AKAIN1: variants seen among roughly 807,000 people sequenced by gnomAD.
The protein encoded by AKAIN1 is A-kinase anchor protein inhibitor 1.
AKAIN1 carries 3 observed loss-of-function variants against 3.7 expected under a neutral mutation model. The ratio of observed to expected loss-of-function variants is 0.82; its 90% CI spans 0.37 to 2.12. AKAIN1 has a LOEUF of 2.12. Ranked by LOEUF, AKAIN1 falls within the 30% of genes most tolerant of loss-of-function variation. The pLI, the probability that AKAIN1 is intolerant of heterozygous loss-of-function variation, is 0.06. For missense variants in AKAIN1, 82 were observed against 82.7 expected (o/e 0.99, Z 0.03); for synonymous variants, 31 against 30.8 (o/e 1.01, Z -0.02).
rs946187666 is a variant in AKAIN1 at position 5,185,646 on chromosome 18, C to T, written c.16+11392G>A. ...AAATGAAAATTAAAACAACGAGGTA[C>T]CATCCCACAACAATCAGAGTGACTA... On this transcript the variant is annotated intron_variant, in intron 1 of 1. Transcript: ENST00000434239. Among the ~76,000 whole-genome samples, 6 of 152,084 alleles carry T rather than the reference C, an allele frequency of 3.9e-5. No individual in the cohort carries two copies. The South Asian group carries it at 1.2e-3, about 32-fold the overall frequency.
chr18:5,179,423 G>GTGTGTA (rs1555610770), intron 1 of AKAIN1, among the ~76,000 whole-genome samples: 2 of 149,372 alleles, frequency 1.3e-5, no homozygotes, highest in African/African-American at 5.0e-5. Context: ...ATGTATGTGT[G>GTGTGTA]TATATATATA....
intron 1 of AKAIN1, among the ~76,000 whole-genome samples, chr18:5,178,627 T>C (rs2071239565): frequency 1.3e-5 from 2 of 152,168 alleles, no homozygotes; most frequent in African/African-American, 2.4e-5. Flanking sequence ...CAAGAGGAGA[T>C]GCACAAGGAG....
At chr18:5,174,446 T>G (rs1305516402) in intron 1 of AKAIN1, among the ~76,000 whole-genome samples, 1 of 152,124 alleles carries the variant, frequency 6.6e-6, no homozygotes, top group Non-Finnish European at 1.5e-5. Context: ...GGCCTGACTT[T>G]GCAGAGTAAA....
At position 5,143,596 on chromosome 18, in the gene AKAIN1, C is replaced by T. The variant is rs985625026; in HGVS notation, c.*1966G>A. 6.6e-5 allele frequency among the ~76,000 whole-genome samples: 10 copies of T among 152,188 alleles called. No homozygotes were observed. Among genetic ancestry groups the T allele is most frequent in the African/African-American group, 2.4e-4 (10 of 41,450 alleles). ...TGATATCTAGGGGTTTGAAAATAGC[C>T]TTGGAAGTCTCATGGTTCCAAATAA... On this transcript the variant is annotated 3_prime_UTR_variant, in exon 2 of 2. Transcript: ENST00000434239.
At chr18:5,196,954 A>T (rs142900915) in intron 1 of AKAIN1, 84 bp downstream of exon 1, 14 of 1,199,384 alleles carry the variant, frequency 1.2e-5, no homozygotes, top group Non-Finnish European at 2.4e-6. Flanking sequence ...GCCGTAAGGT[A>T]AAGAGGCCTT....
intron 1 of AKAIN1, among the ~76,000 whole-genome samples, chr18:5,148,057 T>G (rs748079110): frequency 8.9e-4 from 136 of 152,312 alleles, no homozygotes; most frequent in Admixed American, 1.4e-3. Flanking sequence ...TTAGGTTGGT[T>G]GTTGGAGAAT....
chr18:5,161,441 C>A (rs569670082), intron 1 of AKAIN1, among the ~76,000 whole-genome samples: 10 of 152,152 alleles, frequency 6.6e-5, no homozygotes, highest in Non-Finnish European at 1.0e-4. Flanking sequence ...GTTGAAACTT[C>A]CATATACAAT....
At chr18:5,161,637 T>C (rs1021566421) in intron 1 of AKAIN1, among the ~76,000 whole-genome samples, 33 of 152,302 alleles carry the variant, frequency 2.2e-4, no homozygotes, top group African/African-American at 6.7e-4. Context: ...TATCCCAATA[T>C]TAACTGTGAT....
chr18:5,172,216 T>C (rs2071201677), intron 1 of AKAIN1, among the ~76,000 whole-genome samples: 1 of 152,080 alleles, frequency 6.6e-6, no homozygotes. Context: ...GGAGTGGGGA[T>C]AAACTGGAGA....
At chr18:5,152,113 GC>G (rs1347990715) in intron 1 of AKAIN1, among the ~76,000 whole-genome samples, 1 of 152,174 alleles carries the variant, frequency 6.6e-6, no homozygotes, top group African/African-American at 2.4e-5. Context: ...GGAATTGAAT[GC>G]CAGGCTCTGG....
Position 5,144,180 on chromosome 18 carries a change from TTC to T in AKAIN1, c.*1380_*1381del, listed in dbSNP as rs2071036104. 6.6e-6 allele frequency among the ~76,000 whole-genome samples: 1 copy of T among 152,224 alleles called. No individual in the cohort carries two copies. The highest frequency in any genetic ancestry group is 1.5e-5 in the Non-Finnish European group (1 of 68,044). ...AACAAAGCTGGTAAGATATTTTTCATTCATTATCTATTATCCAACTATTTATT... is the reference window on the plus strand; with the variant it reads ...AACAAAGCTGGTAAGATATTTTTCATATTATCTATTATCCAACTATTTATT... On this transcript the variant is annotated 3_prime_UTR_variant, in exon 2 of 2. Coordinates refer to ENST00000434239, the MANE Select transcript of AKAIN1 (RefSeq NM_001145194.2).
rs1664163884 is a variant in AKAIN1 at position 5,197,155 on chromosome 18, G to T, written c.-102C>A. On this transcript the variant is annotated 5_prime_UTR_variant, in exon 1 of 2. Transcript: ENST00000434239. This position sits in a 1 kb window ranked among gnomAD's most constrained non-coding sequence, Gnocchi z 6.9. Reference sequence around the variant, plus strand: ...GGCGGGGTCCGGTGCAGGAGGGCGCGCTGGGCGGGCGGCGGGCGGGGCGGT... The same window carrying T: ...GGCGGGGTCCGGTGCAGGAGGGCGCTCTGGGCGGGCGGCGGGCGGGGCGGT... 2.0e-6 allele frequency: 3 copies of T among 1,523,670 alleles called. No individual in the cohort carries two copies. Among genetic ancestry groups the T allele is most frequent in the Non-Finnish European group, 2.6e-6 (3 of 1,138,796 alleles). The allele number at this position is 1,523,670 out of a possible 1,614,324, so 94.4% of individuals were successfully genotyped here. A position where few individuals can be genotyped will look rare whatever the true frequency, so the allele number is the denominator to read the frequency against.
At chr18:5,197,512 A>AAAAAAAAAAAC (rs1555611705), upstream of AKAIN1, 1 of 1,225,226 alleles carries the variant, frequency 8.2e-7, no homozygotes, top group Non-Finnish European at 1.0e-6. The surrounding 1 kb of genome is among the most constrained non-coding windows in gnomAD (Gnocchi z 6.9). Context: ...GTCAAAAAAA[A>AAAAAAAAAAAC]AAAACTCTAA....
chr18:5,166,033 G>A (rs1487268738), intron 1 of AKAIN1, among the ~76,000 whole-genome samples: 1 of 151,946 alleles, frequency 6.6e-6, no homozygotes, highest in Non-Finnish European at 1.5e-5. Context: ...TCTAAAATGT[G>A]CTACACATGA....
At chr18:5,160,750 C>T (rs2071134586) in intron 1 of AKAIN1, among the ~76,000 whole-genome samples, 1 of 152,048 alleles carries the variant, frequency 6.6e-6, no homozygotes, top group Non-Finnish European at 1.5e-5. Context: ...AGGTAAGGAC[C>T]TGATTTCCTG....
At chr18:5,197,566 G>A, upstream of AKAIN1, 1 of 1,036,850 alleles carries the variant, frequency 9.6e-7, no homozygotes, top group Non-Finnish European at 1.2e-6. The surrounding 1 kb of genome is among the most constrained non-coding windows in gnomAD (Gnocchi z 6.9). Flanking sequence ...TCTCCGAGTT[G>A]GGCTGGCTCG....
rs114826382 is a variant in AKAIN1 at position 5,144,509 on chromosome 18, T to C, written c.*1053A>G. Among the ~76,000 whole-genome samples, 1,292 of 152,334 alleles carry C rather than the reference T, an allele frequency of 8.5e-3. 17 individuals carry two copies. Among genetic ancestry groups the C allele is most frequent in the African/African-American group, 0.03 (1,241 of 41,574 alleles). On this transcript the variant is annotated 3_prime_UTR_variant, in exon 2 of 2. Transcript: ENST00000434239. ...TTTATTACACGTGTACACACACATA[T>C]CTCTGTCACTGCATTCAAAACACTG...
intron 1 of AKAIN1, among the ~76,000 whole-genome samples, chr18:5,179,693 T>G (rs1474680616): frequency 6.6e-6 from 1 of 152,042 alleles, no homozygotes; most frequent in Admixed American, 6.6e-5. Flanking sequence ...GTGGCAGTGG[T>G]CATTAAAAGA....
rs571555702 is a variant in AKAIN1, at chr18:5,183,685, C to T, written c.16+13353G>A. 1.8e-3 allele frequency among the ~76,000 whole-genome samples: 269 copies of T among 152,118 alleles called. 9 individuals carry two copies. The South Asian group carries it at 0.054, about 30-fold the overall frequency. On this transcript the variant is annotated intron_variant, in intron 1 of 1. Coordinates refer to ENST00000434239, the MANE Select transcript of AKAIN1 (RefSeq NM_001145194.2). ...TCCTGTTATTCACAGTTGTTATTTT[C>T]TATAAAGTTACTGCAAACACTTAAT...
Sources: gnomAD v4.1 joint callset for allele counts (sites outside exome capture counted in the v4.1 genomes callset) on GRCh38, gnomAD v4.1.1 for gene constraint, Gnocchi (gnomAD v3.1) non-coding constraint, MANE v1.5 for transcripts, NCBI Gene and HGNC (gene_info 2026-07-23, HGNC 2026-07-21) for gene names.